CCL28: variants seen among roughly 807,000 people sequenced by gnomAD.
CCL28 encodes the protein C-C motif chemokine 28.
CCL28 carries 4 observed loss-of-function variants against 7.1 expected under a neutral mutation model. That is an observed-to-expected ratio of 0.56 (90% CI 0.28 to 1.29). CCL28 has a LOEUF of 1.29. Ranked by LOEUF, CCL28 falls within the 50% of genes most tolerant of loss-of-function variation. The pLI is 0.11. For synonymous variants in CCL28, 55 were observed against 57.8 expected, an observed-to-expected ratio of 0.95 and a Z score of 0.22; for missense variants, 151 against 163.4, an observed-to-expected ratio of 0.92 and a Z score of 0.41.
At chr5:43,364,782 GT>G in the CCL28 span, among the ~76,000 whole-genome samples, 2 of 151,976 alleles carry the variant, frequency 1.3e-5, no homozygotes, top group African/African-American at 4.8e-5. Context: ...AGCTCTTCTT[GT>G]TGCATTGATC....
chr5:43,411,776 T>C (rs2111935846), intron 1 of CCL28, among the ~76,000 whole-genome samples: 1 of 152,338 alleles, frequency 6.6e-6, no homozygotes, highest in Middle Eastern at 3.4e-3. Context: ...CAGTTTTCTG[T>C]ATCCATAGAG....
At chr5:43,411,817 C>G (rs564976035) in intron 1 of CCL28, among the ~76,000 whole-genome samples, 2 of 152,288 alleles carry the variant, frequency 1.3e-5, no homozygotes, top group South Asian at 4.1e-4. Flanking sequence ...TACAACTTAC[C>G]TAATTTGAAC....
the CCL28 span, among the ~76,000 whole-genome samples, chr5:43,359,959 T>C: frequency 1.3e-5 from 2 of 151,980 alleles, no homozygotes; most frequent in Non-Finnish European, 2.9e-5. Flanking sequence ...CATTCCCTAG[T>C]CCCCTGCCCA....
At chr5:43,385,960 T>C (rs1389086577) in intron 2 of CCL28, among the ~76,000 whole-genome samples, 1 of 152,248 alleles carries the variant, frequency 6.6e-6, no homozygotes, top group African/African-American at 2.4e-5. Flanking sequence ...ATACCTTCCC[T>C]GGATAACCTC....
At chr5:43,386,621 A>G (rs1371912508) in intron 2 of CCL28, among the ~76,000 whole-genome samples, 2 of 152,252 alleles carry the variant, frequency 1.3e-5, no homozygotes, top group East Asian at 3.8e-4. Flanking sequence ...AGAATCTTAT[A>G]AAACCTATGG....
Position 43,381,037 on chromosome 5 carries a change from G to A in CCL28, c.*823C>T, listed in dbSNP as rs1740091941. 2 of 151,968 alleles carry A rather than the reference G, an allele frequency of 1.3e-5. No individual in the cohort carries two copies. The highest frequency in any genetic ancestry group is 1.5e-5 in the Non-Finnish European group (1 of 68,000). The allele number at this position is 151,968 out of a possible 1,614,324, so 9.4% of individuals were successfully genotyped here. A position where few individuals can be genotyped will look rare whatever the true frequency, so the allele number is the denominator to read the frequency against. ...GGTATAAAACTGATAAGGTGATTAT[G>A]TAGAAAAATGTCTTTATTTTAGGGT... On this transcript the variant is annotated 3_prime_UTR_variant, in exon 3 of 3. Coordinates refer to ENST00000361115, the MANE Select transcript of CCL28 (RefSeq NM_148672.3).
chr5:43,386,879 A>T (rs899856575), intron 2 of CCL28, among the ~76,000 whole-genome samples: 1 of 152,132 alleles, frequency 6.6e-6, no homozygotes, highest in Non-Finnish European at 1.5e-5. Flanking sequence ...CAGCTGGATA[A>T]AGAGTCCCCT....
In CCL28 at chr5:43,379,204, T is replaced by C. The variant is rs1740007287; in HGVS notation, c.*2656A>G. ...ATTAGACACCAGTGTTTTGGTATCT[T>C]AACTTTTATTAATGTTGGTTATCAC... On this transcript the variant is annotated 3_prime_UTR_variant, in exon 3 of 3. Transcript: ENST00000361115. 6.6e-6 allele frequency: 1 copy of C among 152,082 alleles called. No homozygotes were observed. The highest frequency in any genetic ancestry group is 2.1e-4 in the South Asian group (1 of 4,816). The allele number at this position is 152,082 out of a possible 1,614,324, so 9.4% of individuals were successfully genotyped here.
the CCL28 span, among the ~76,000 whole-genome samples, chr5:43,360,996 C>T: frequency 6.6e-6 from 1 of 152,112 alleles, no homozygotes; most frequent in South Asian, 2.1e-4. Context: ...CACCTCCTGA[C>T]AGGACCCAGT....
chr5:43,407,093 T>C (rs1371093635), intron 1 of CCL28, among the ~76,000 whole-genome samples: 4 of 152,284 alleles, frequency 2.6e-5, no homozygotes, highest in Middle Eastern at 6.8e-3. Flanking sequence ...TTCAGTGCCA[T>C]CCCCATGAAG....
At chr5:43,372,621 G>A (rs1346549806), downstream of CCL28, among the ~76,000 whole-genome samples, 3 of 151,698 alleles carry the variant, frequency 2.0e-5, no homozygotes, top group Admixed American at 6.6e-5. Flanking sequence ...CACCCACCTT[G>A]GGCTCCCAAA....
intron 2 of CCL28, 162 bp downstream of exon 2, chr5:43,388,188 C>T: frequency 1.3e-6 from 1 of 792,902 alleles, no homozygotes; most frequent in South Asian, 1.9e-5. Context: ...GAATTTACTC[C>T]AGGGAGCCTG....
At chr5:43,357,543 GAAAACAAC>G in the CCL28 span, among the ~76,000 whole-genome samples, 1 of 152,130 alleles carries the variant, frequency 6.6e-6, no homozygotes, top group Non-Finnish European at 1.5e-5. Context: ...AGCAGAATGG[GAAAACAAC>G]AAAAGCAAAA....
chr5:43,410,580 A>T (rs913372391), intron 1 of CCL28, among the ~76,000 whole-genome samples: 1 of 152,122 alleles, frequency 6.6e-6, no homozygotes, highest in East Asian at 1.9e-4. Context: ...ACTCAGTCCC[A>T]TGTGAAGGTG....
At chr5:43,370,742 CTCTT>C in the CCL28 span, among the ~76,000 whole-genome samples, 1 of 39,016 alleles carries the variant, frequency 2.6e-5, no homozygotes, top group Admixed American at 2.4e-4. Context: ...CTCTTTCTCT[CTCTT>C]TTTTTTTTTT....
At chr5:43,367,658 G>A in the CCL28 span, among the ~76,000 whole-genome samples, 1 of 146,076 alleles carries the variant, frequency 6.8e-6, no homozygotes, top group Non-Finnish European at 1.5e-5. Flanking sequence ...GGGAGATGCA[G>A]GCCCCACCCT....
the CCL28 span, among the ~76,000 whole-genome samples, chr5:43,367,449 T>C: frequency 6.6e-6 from 1 of 152,204 alleles, no homozygotes; most frequent in Non-Finnish European, 1.5e-5. Flanking sequence ...CTGTTTCTAA[T>C]GCCACAGTCC....
At chr5:43,396,012 C>G (rs2111817987) in intron 1 of CCL28, among the ~76,000 whole-genome samples, 1 of 152,062 alleles carries the variant, frequency 6.6e-6, no homozygotes, top group Admixed American at 6.5e-5. Flanking sequence ...GCTGGTACTA[C>G]AGACGCCCGC....
chr5:43,394,314 T>C (rs999066994), intron 1 of CCL28, among the ~76,000 whole-genome samples: 9 of 152,236 alleles, frequency 5.9e-5, no homozygotes, highest in African/African-American at 2.2e-4. Context: ...TCTTGATCCT[T>C]TACCTTTTAG....
Sources: gnomAD v4.1 joint callset for allele counts (sites outside exome capture counted in the v4.1 genomes callset) on GRCh38, gnomAD v4.1.1 for gene constraint, MANE v1.5 for transcripts, NCBI Gene and HGNC (gene_info 2026-07-23, HGNC 2026-07-21) for gene names.